The following PCDHGB7 variants were observed in gnomAD, a reference collection of about 807,000 sequenced individuals.
PCDHGB7 encodes the protein protocadherin gamma subfamily B, 7, also known as protocadherin gamma-B7.
Under a neutral mutation model 61.4 loss-of-function variants are expected in PCDHGB7, and 37 were observed. The observed-to-expected ratio is 0.60, with a 90% CI of 0.46 to 0.79. The LOEUF is 0.79. PCDHGB7 is among the 30% of genes least tolerant of loss of function. The probability of loss-of-function intolerance (pLI) is 0.00; values close to 1 mark genes in which losing one functional copy is unlikely to be tolerated. For missense variants in PCDHGB7, 1,166 were observed against 1,202.5 expected, an observed-to-expected ratio of 0.97 and a Z score of 0.45; for synonymous variants, 464 against 503.5, an observed-to-expected ratio of 0.92 and a Z score of 1.05.
Position 141,456,380 on chromosome 5 carries a change from C to T in PCDHGB7, c.2415+36106C>T, listed in dbSNP as rs186993611. ...CCATGTGTGGTTCAGTTTACAGCAC[C>T]GTTTGGAGTTTGATTGCTTCTAGGC... is the stretch of plus-strand genomic sequence containing the variant. On this transcript the variant is annotated intron_variant, in intron 1 of 3. Coordinates refer to ENST00000398594, the MANE Select transcript of PCDHGB7 (RefSeq NM_018927.4). Among the ~76,000 whole-genome samples, 427 of 152,082 alleles carry T rather than the reference C, an allele frequency of 2.8e-3. 1 individual carries two copies. Among genetic ancestry groups the T allele is most frequent in the Non-Finnish European group, 2.7e-3 (184 of 68,004 alleles).
chr5:141,431,799 T>A lies in PCDHGB7; in HGVS notation c.2415+11525T>A. 6.2e-7 allele frequency: 1 copy of A among 1,614,228 alleles called. No homozygotes were observed. The highest frequency in any genetic ancestry group is 8.5e-7 in the Non-Finnish European group (1 of 1,180,036). On this transcript the variant is annotated intron_variant, in intron 1 of 3. Transcript: ENST00000398594. This position sits in a 1 kb window ranked among gnomAD's most constrained non-coding sequence, Gnocchi z 4.8. ...GACGTGAACGACAATGCCCCAGAAG[T>A]GGTCCTCACCTCTCTCGCCAGCTCG...
At chr5:141,488,157 C>T (rs565677003) in intron 1 of PCDHGB7, among the ~76,000 whole-genome samples, 2 of 152,216 alleles carry the variant, frequency 1.3e-5, no homozygotes, top group South Asian at 2.1e-4. Context: ...TAGAGAGGCA[C>T]GCATCAGAGT....
intron 1 of PCDHGB7, chr5:141,478,076 C>A: frequency 6.2e-7 from 1 of 1,614,106 alleles, no homozygotes. Context: ...CAATGGGGAG[C>A]CTTCGCTCTC....
chr5:141,473,905 G>T (rs940750776), intron 1 of PCDHGB7, among the ~76,000 whole-genome samples: 2 of 152,096 alleles, frequency 1.3e-5, no homozygotes, highest in African/African-American at 4.8e-5. Context: ...TCATGAAGAG[G>T]TCTTAAGAAA....
At position 141,476,683 on chromosome 5, in the gene PCDHGB7, C is replaced by T; in HGVS notation, c.2416-18124C>T. The T allele has an allele frequency of 1.9e-6, 3 of 1,614,242 alleles. No homozygotes were observed. Among genetic ancestry groups the T allele is most frequent in the Non-Finnish European group, 2.5e-6 (3 of 1,180,052 alleles). ...CGCTTCGCGTGCAGACGCGGGAGGA[C>T]AGCACCAAGTACGCGGAGCTGGTGT... On this transcript the variant is annotated intron_variant, in intron 1 of 3. Coordinates refer to ENST00000398594, the MANE Select transcript of PCDHGB7 (RefSeq NM_018927.4). The surrounding 1 kb of genome is among the most constrained non-coding windows in gnomAD (Gnocchi z 7.6).
Position 141,432,148 on chromosome 5 carries a change from G to C in PCDHGB7, c.2415+11874G>C. ...CCTCCTATTCCGCTTATATCCCAGA[G>C]AACAATCCCAGAGGAGTTTCCCTCG... On this transcript the variant is annotated intron_variant, in intron 1 of 3. Coordinates refer to ENST00000398594, the MANE Select transcript of PCDHGB7 (RefSeq NM_018927.4). The surrounding 1 kb of genome is among the most constrained non-coding windows in gnomAD (Gnocchi z 6.0). 6.2e-7 allele frequency: 1 copy of C among 1,614,002 alleles called. No individual in the cohort carries two copies. Among genetic ancestry groups the C allele is most frequent in the East Asian group, 2.2e-5 (1 of 44,876 alleles).
intron 1 of PCDHGB7, chr5:141,423,111 T>C (rs1394665462): frequency 3.1e-6 from 5 of 1,613,718 alleles, no homozygotes; most frequent in South Asian, 1.1e-5. Flanking sequence ...GCGAGGTGCG[T>C]ACAGCGCGGG....
chr5:141,492,691 C>G (rs2099743102), intron 1 of PCDHGB7, among the ~76,000 whole-genome samples: 1 of 152,274 alleles, frequency 6.6e-6, no homozygotes, highest in South Asian at 2.1e-4. Flanking sequence ...TCGGCGACCC[C>G]TCAACCCAGA....
rs550161736 is a variant in PCDHGB7, at chr5:141,427,826, G to T, written c.2415+7552G>T. ...GCGCACAGAGCGGGGTGGTGGTCGCGCAGCGTGCCTTCGACCACGAGCAGC... is the reference window on the plus strand; with the variant it reads ...GCGCACAGAGCGGGGTGGTGGTCGCTCAGCGTGCCTTCGACCACGAGCAGC... On this transcript the variant is annotated intron_variant, in intron 1 of 3. Coordinates refer to ENST00000398594, the MANE Select transcript of PCDHGB7 (RefSeq NM_018927.4). The T allele has an allele frequency of 2.6e-6, 4 of 1,536,502 alleles. No individual in the cohort carries two copies. The East Asian group carries it at 6.8e-5, about 26-fold the overall frequency.
chr5:141,495,873 C>G (rs2099764359), intron 2 of PCDHGB7, among the ~76,000 whole-genome samples: 1 of 152,146 alleles, frequency 6.6e-6, no homozygotes, highest in Admixed American at 6.6e-5. Flanking sequence ...CTGCTTTCCT[C>G]TCTGTTCTTT....
At chr5:141,481,795 T>C (rs2154579318) in intron 1 of PCDHGB7, among the ~76,000 whole-genome samples, 1 of 150,244 alleles carries the variant, frequency 6.7e-6, no homozygotes, top group South Asian at 2.1e-4. Context: ...CTACTAAAAA[T>C]ACAAAAATTC....
At position 141,485,561 on chromosome 5, in the gene PCDHGB7, GCCC is replaced by G; in HGVS notation, c.2416-9242_2416-9240del. ...AGAGATCGTAGATGTGAATGATCAC[GCCC>G]CCCGTTTTCCGCGGCAGCAGCTGGA... On this transcript the variant is annotated intron_variant, in intron 1 of 3. Transcript: ENST00000398594. This position sits in a 1 kb window ranked among gnomAD's most constrained non-coding sequence, Gnocchi z 5.7. 1 of 1,613,008 alleles carries G rather than the reference GCCC, an allele frequency of 6.2e-7. No homozygotes were observed.
chr5:141,455,476 G>C (rs2098823789), intron 1 of PCDHGB7, among the ~76,000 whole-genome samples: 1 of 152,218 alleles, frequency 6.6e-6, no homozygotes. Flanking sequence ...ATATGCAGAG[G>C]CTGGTGGAGG....
chr5:141,478,244 T>C lies in PCDHGB7; in HGVS notation c.2416-16563T>C, dbSNP rs758993366. ...TTCTGTGGGGTTTGTGGTCACAGTG[T>C]TCGGAGTAATCATATTCAAAGTTTA... On this transcript the variant is annotated intron_variant, in intron 1 of 3. Coordinates refer to ENST00000398594, the MANE Select transcript of PCDHGB7 (RefSeq NM_018927.4). 5 of 1,614,132 alleles carry C rather than the reference T, an allele frequency of 3.1e-6. No individual in the cohort carries two copies. In the South Asian group the frequency reaches 4.4e-5, roughly 14 times the overall value.
intron 1 of PCDHGB7, among the ~76,000 whole-genome samples, chr5:141,475,520 C>T (rs2099364531): frequency 6.6e-6 from 1 of 152,204 alleles, no homozygotes; most frequent in Non-Finnish European, 1.5e-5. Context: ...CACGGAAATG[C>T]TAAATGCCTC....
At position 141,491,458 on chromosome 5, in the gene PCDHGB7, G is replaced by T. The variant is rs867069360; in HGVS notation, c.2416-3349G>T. 1.9e-6 allele frequency: 3 copies of T among 1,613,974 alleles called. No homozygotes were observed. The highest frequency in any genetic ancestry group is 1.6e-4 in the Middle Eastern group (1 of 6,084). On this transcript the variant is annotated intron_variant, in intron 1 of 3. Coordinates refer to ENST00000398594, the MANE Select transcript of PCDHGB7 (RefSeq NM_018927.4). This position sits in a 1 kb window ranked among gnomAD's most constrained non-coding sequence, Gnocchi z 6.9. ...CAGGCGCCAGGACTCACCCTCCCCGGACTTCTATAAGCAGTCCAGCCCCAA... is the reference window on the plus strand; with the variant it reads ...CAGGCGCCAGGACTCACCCTCCCCGTACTTCTATAAGCAGTCCAGCCCCAA...
rs576983336 is a variant in PCDHGB7, at chr5:141,489,165, G to A, written c.2416-5642G>A. 5.8e-4 allele frequency: 625 copies of A among 1,082,080 alleles called. 8 individuals are homozygous for A. The South Asian group carries it at 7.9e-3, about 14-fold the overall frequency. The allele number at this position is 1,082,080 out of a possible 1,614,324, so 67.0% of individuals were successfully genotyped here. On this transcript the variant is annotated intron_variant, in intron 1 of 3. Transcript: ENST00000398594. The surrounding 1 kb of genome is among the most constrained non-coding windows in gnomAD (Gnocchi z 4.5). ...GAAGGAGACATAAGAGACTTCAGCT[G>A]CTGCATTCCAAGCCCTGGGTCTACC...
intron 1 of PCDHGB7, among the ~76,000 whole-genome samples, chr5:141,494,113 C>G (rs2099751999): frequency 6.6e-6 from 1 of 152,214 alleles, no homozygotes; most frequent in Non-Finnish European, 1.5e-5. Flanking sequence ...TCAGACAGAG[C>G]AGCCTTGTTC....
Position 141,477,403 on chromosome 5 carries a change from C to T in PCDHGB7, c.2416-17404C>T, listed in dbSNP as rs1329599078. 2 of 1,614,164 alleles carry T rather than the reference C, an allele frequency of 1.2e-6. No individual in the cohort carries two copies. Among genetic ancestry groups the T allele is most frequent in the Non-Finnish European group, 1.7e-6 (2 of 1,180,042 alleles). ...CAGAATACAACCTCAGCATCACCGC[C>T]CGAGACGCCGGAACCCCTTCCCTCT... is the stretch of plus-strand genomic sequence containing the variant. On this transcript the variant is annotated intron_variant, in intron 1 of 3. Transcript: ENST00000398594. The surrounding 1 kb of genome is among the most constrained non-coding windows in gnomAD (Gnocchi z 4.9).
Sources: allele counts gnomAD v4.1 joint callset (sites outside exome capture counted in the v4.1 genomes callset), GRCh38; gene constraint gnomAD v4.1.1; non-coding constraint Gnocchi (gnomAD v3.1); transcripts MANE v1.5; gene names NCBI Gene and HGNC (gene_info 2026-07-23, HGNC 2026-07-21).